The following FAAH2 variants were observed in gnomAD, a reference collection of about 807,000 sequenced individuals.
FAAH2 encodes the protein fatty acid amide hydrolase 2, also known as fatty-acid amide hydrolase 2.
In FAAH2, 60 loss-of-function variants were observed where a neutral mutation model predicts 36.9. The observed-to-expected ratio is 1.63, with a 90% CI of 1.32 to 2.02. FAAH2 has a LOEUF of 2.02. FAAH2 is among the 30% of genes most tolerant of loss of function. The pLI is 0.00. For missense variants in FAAH2, 689 were observed against 397.5 expected (o/e 1.73, Z -6.23); for synonymous variants, 214 against 143.8 (o/e 1.49, Z -3.49).
the FAAH2 span, among the ~76,000 whole-genome samples, chrX:57,157,445 C>A: frequency 5.4e-5 from 6 of 111,706 alleles, no homozygotes; most frequent in Non-Finnish European, 1.9e-5. Context: ...GGTCTAAATG[C>A]TCCCTCCATG....
chrX:57,174,782 G>T, the FAAH2 span, among the ~76,000 whole-genome samples: 3 of 111,394 alleles, frequency 2.7e-5, no homozygotes, highest in Non-Finnish European at 3.8e-5. Flanking sequence ...TTGTGTCACT[G>T]TTATCATTTA....
At chrX:57,424,048 C>A (rs914868046) in intron 7 of FAAH2, among the ~76,000 whole-genome samples, 2 of 111,722 alleles carry the variant, frequency 1.8e-5, no homozygotes, top group African/African-American at 6.5e-5. Context: ...ATTGCCCACA[C>A]AACCCCAGCT....
intron 10 of FAAH2, among the ~76,000 whole-genome samples, chrX:57,466,637 A>C (rs762141702): frequency 9.0e-6 from 1 of 110,974 alleles, no homozygotes; most frequent in African/African-American, 3.3e-5. Flanking sequence ...TATGCTATAT[A>C]CAAAGGACAC....
At chrX:57,394,780 C>A (rs1047681184) in intron 7 of FAAH2, 2 of 967,921 alleles carry the variant, frequency 2.1e-6, no homozygotes, top group Non-Finnish European at 3.0e-6. Flanking sequence ...CAGTTGCAAC[C>A]ACCAGGATGT....
chrX:57,252,372 T>C, the FAAH2 span, among the ~76,000 whole-genome samples: 1 of 112,326 alleles, frequency 8.9e-6, no homozygotes, highest in Non-Finnish European at 1.9e-5. Context: ...GACAGACAGC[T>C]CTGAAGAGAG....
In FAAH2 at chrX:57,448,729, G is replaced by A. The variant is rs2147180240; in HGVS notation, c.1423+11G>A. Reference sequence around the variant, plus strand: ...ACTTTGCTTACACAGGTACCTAATTGTATTCCTTACATTCTGTAATCTTAA... The same window carrying A: ...ACTTTGCTTACACAGGTACCTAATTATATTCCTTACATTCTGTAATCTTAA... On this transcript the variant is annotated intron_variant, in intron 10 of 10. Coordinates refer to ENST00000374900, the MANE Select transcript of FAAH2 (RefSeq NM_174912.4). 8.5e-7 allele frequency: 1 copy of A among 1,170,834 alleles called. No individual in the cohort carries two copies. Among genetic ancestry groups the A allele is most frequent in the Non-Finnish European group, 1.2e-6 (1 of 862,936 alleles).
chrX:57,198,857 T>C, the FAAH2 span, among the ~76,000 whole-genome samples: 1 of 112,221 alleles, frequency 8.9e-6, no homozygotes, highest in African/African-American at 3.2e-5. Flanking sequence ...GTAAAATCCT[T>C]TCTTAATCTG....
chrX:57,477,866 A>G (rs1388507523), intron 10 of FAAH2, among the ~76,000 whole-genome samples: 1 of 111,539 alleles, frequency 9.0e-6, no homozygotes, highest in Non-Finnish European at 1.9e-5. Context: ...TGTGTGCCAC[A>G]TTTTCTTAAT....
chrX:57,418,826 C>G (rs1460140495), intron 7 of FAAH2, among the ~76,000 whole-genome samples: 2 of 106,308 alleles, frequency 1.9e-5, no homozygotes, highest in African/African-American at 6.9e-5. Context: ...CCCATTAACT[C>G]GTCATTTAGC....
chrX:57,431,625 G>A (rs2056296512), intron 7 of FAAH2, among the ~76,000 whole-genome samples: 1 of 111,010 alleles, frequency 9.0e-6, no homozygotes, highest in Non-Finnish European at 1.9e-5. Context: ...GTGTTAGAGA[G>A]GGAGTGGGAC....
At chrX:57,311,439 C>T (rs1011791098) in intron 3 of FAAH2, among the ~76,000 whole-genome samples, 1 of 112,018 alleles carries the variant, frequency 8.9e-6, no homozygotes, top group African/African-American at 3.2e-5. Flanking sequence ...TAGGGGAACC[C>T]TTGTCGCCCG....
chrX:57,171,558 C>A, the FAAH2 span, among the ~76,000 whole-genome samples: 1 of 111,046 alleles, frequency 9.0e-6, no homozygotes, highest in Non-Finnish European at 1.9e-5. Context: ...TGTATATTTT[C>A]TTTTGAGAAA....
At chrX:57,151,215 T>C in the FAAH2 span, among the ~76,000 whole-genome samples, 1 of 111,951 alleles carries the variant, frequency 8.9e-6, no homozygotes, top group African/African-American at 3.3e-5. Context: ...ATTTCAACTT[T>C]GATGAATCTG....
chrX:57,219,563 G>T, the FAAH2 span, among the ~76,000 whole-genome samples: 1 of 112,348 alleles, frequency 8.9e-6, no homozygotes, highest in Non-Finnish European at 1.9e-5. Flanking sequence ...CCCCAACATT[G>T]GTCCAAGAAG....
chrX:57,465,306 G>A (rs2057029815), intron 10 of FAAH2, among the ~76,000 whole-genome samples: 2 of 111,304 alleles, frequency 1.8e-5, no homozygotes, highest in South Asian at 7.5e-4. Context: ...TTCCAGAACG[G>A]GAGATGAGTA....
At chrX:57,256,182 A>T in the FAAH2 span, among the ~76,000 whole-genome samples, 2 of 111,765 alleles carry the variant, frequency 1.8e-5, no homozygotes, top group Non-Finnish European at 3.8e-5. Context: ...ATCACTACTA[A>T]GAAAATAAAA....
the FAAH2 span, among the ~76,000 whole-genome samples, chrX:57,160,148 T>A: frequency 1.2e-4 from 13 of 112,019 alleles, no homozygotes; most frequent in African/African-American, 3.9e-4. Flanking sequence ...GTTTATTGAT[T>A]TTTGTATGTT....
At chrX:57,209,834 T>C in the FAAH2 span, among the ~76,000 whole-genome samples, 1 of 111,323 alleles carries the variant, frequency 9.0e-6, no homozygotes, top group Non-Finnish European at 1.9e-5. Flanking sequence ...TCTGAAACAG[T>C]CAGTCTTTTG....
chrX:57,347,774 G>C (rs1389160891), intron 5 of FAAH2, among the ~76,000 whole-genome samples: 1 of 109,152 alleles, frequency 9.2e-6, no homozygotes, highest in Non-Finnish European at 1.9e-5. Context: ...GGAGACCAGG[G>C]CTCTTTATAA....
Sources: allele counts gnomAD v4.1 joint callset (sites outside exome capture counted in the v4.1 genomes callset), GRCh38; gene constraint gnomAD v4.1.1; transcripts MANE v1.5; gene names NCBI Gene and HGNC (gene_info 2026-07-23, HGNC 2026-07-21).